The following ABCB8 variants were observed in gnomAD, a reference collection of about 807,000 sequenced individuals.
ABCB8 encodes the protein ATP binding cassette subfamily B member 8.
In ABCB8, 52 loss-of-function variants were observed where a neutral mutation model predicts 73.0. The observed-to-expected ratio is 0.71, with a 90% CI of 0.57 to 0.90. The LOEUF (loss-of-function observed/expected upper bound fraction) is 0.90, where lower values mean the gene tolerates loss of function less well. ABCB8 is among the 40% of genes least tolerant of loss of function. The pLI is 0.00. For synonymous variants in ABCB8, 428 were observed against 423.5 expected (o/e 1.01, Z -0.13); for missense variants, 909 against 974.6 (o/e 0.93, Z 0.90).
At position 151,034,309 on chromosome 7, in the gene ABCB8, C is replaced by T; in HGVS notation, c.445C>T (p.Pro149Ser). ...LGAALVNVQI[P>S]LLLGQLVEVV... ...TGCGGCACTCGTGAATGTACAGATC[C>T]CCCTGCTCCTGGGCCAGCTGGTAGA... Residue 149 changes from proline (P) to serine (S), a missense_variant, in exon 3 of 16, where the codon CCC becomes TCC. By Grantham distance (74) the Pro-to-Ser change is moderately conservative (BLOSUM62 -1). Coordinates refer to ENST00000358849, the MANE Select transcript of ABCB8 (RefSeq NM_007188.5). The T allele has an allele frequency of 6.2e-7, 1 of 1,613,700 alleles. No homozygotes were observed. Among genetic ancestry groups the T allele is most frequent in the Non-Finnish European group, 8.5e-7 (1 of 1,179,996 alleles).
chr7:151,040,551 C>T lies in ABCB8; in HGVS notation c.1305C>T (p.Asn435=), dbSNP rs370482799. ...GGGTCTTTGAGTACATGGCCCTGAA[C>T]CCCTGCATCCCACTGTCTGGGGGCT... is the stretch of plus-strand genomic sequence containing the variant. ...GARVFEYMAL[N]PCIPLSGGCC... is the part of the protein sequence containing the mutation. Residue 435 remains asparagine (N), a synonymous_variant, in exon 11 of 16, where the codon AAC becomes AAT. Coordinates refer to ENST00000358849, the MANE Select transcript of ABCB8 (RefSeq NM_007188.5). 240 of 1,613,412 alleles carry T rather than the reference C, an allele frequency of 1.5e-4. No homozygotes were observed. Among genetic ancestry groups the T allele is most frequent in the Non-Finnish European group, 1.8e-4 (209 of 1,179,954 alleles).
At position 151,028,491 on chromosome 7, in the gene ABCB8, G is replaced by A. The variant is rs112716705; in HGVS notation, c.-25G>A. 609 of 1,604,290 alleles carry A rather than the reference G, an allele frequency of 3.8e-4. 11 individuals are homozygous for A. The South Asian group carries it at 6.2e-3, about 16-fold the overall frequency. On this transcript the variant is annotated 5_prime_UTR_variant, in exon 1 of 16. Coordinates refer to ENST00000358849, the MANE Select transcript of ABCB8 (RefSeq NM_007188.5). ...GATGAGGGTGAAACTGCTATTGCCGGCGGCTCCTGTTTTACCGCGTCAGCA... is the reference window on the plus strand; with the variant it reads ...GATGAGGGTGAAACTGCTATTGCCGACGGCTCCTGTTTTACCGCGTCAGCA...
Position 151,044,175 on chromosome 7 carries a change from G to A in ABCB8, c.1970G>A (p.Arg657His), listed in dbSNP as rs201893359. Residue 657 changes from arginine (R) to histidine (H), a missense_variant, in exon 15 of 16, where the codon CGT becomes CAT. By Grantham distance (29) the Arg-to-His change is conservative. Coordinates refer to ENST00000358849, the MANE Select transcript of ABCB8 (RefSeq NM_007188.5). ...ATTGCCCACCGGCTCAGCACTGTCC[G>A]TGGGGCCCACTGCATTGTCGTCATG... ...LVIAHRLSTVRGAHCIVVMAD... is the reference protein window; with the variant it reads ...LVIAHRLSTVHGAHCIVVMAD... 3.8e-5 allele frequency: 61 copies of A among 1,609,600 alleles called. No homozygotes were observed. Among genetic ancestry groups the A allele is most frequent in the South Asian group, 2.2e-4 (20 of 91,012 alleles).
Position 151,028,972 on chromosome 7 carries a change from G to A in ABCB8, c.95+362G>A, listed in dbSNP as rs977588637. 11 of 1,249,320 alleles carry A rather than the reference G, an allele frequency of 8.8e-6. No individual in the cohort carries two copies. In the African/African-American group the frequency reaches 1.5e-4, roughly 18 times the overall value. The allele number at this position is 1,249,320 out of a possible 1,614,324, so 77.4% of individuals were successfully genotyped here. The stretch of plus-strand genomic sequence containing the variant: ...ATGAAGAGACATTTAATGTAGTGGT[G>A]CTTCCAGGATTCAAAGTGAGTCGAA... On this transcript the variant is annotated intron_variant, in intron 1 of 15. Transcript: ENST00000358849.
intron 1 of ABCB8, among the ~76,000 whole-genome samples, chr7:151,030,849 A>G (rs1378641083): frequency 6.6e-6 from 1 of 152,228 alleles, no homozygotes; most frequent in East Asian, 1.9e-4. Context: ...CTGAGGCAGG[A>G]GAATCGCTTG....
In ABCB8 at chr7:151,047,124, CCACT is replaced by C. The variant is rs1473597302; in HGVS notation, c.*1778_*1781del. 2 of 152,254 alleles carry C rather than the reference CCACT, an allele frequency of 1.3e-5. No homozygotes were observed. Among genetic ancestry groups the C allele is most frequent in the Admixed American group, 1.3e-4 (2 of 15,280 alleles). The allele number at this position is 152,254 out of a possible 1,614,324, so 9.4% of individuals were successfully genotyped here. On this transcript the variant is annotated 3_prime_UTR_variant, in exon 16 of 16. Transcript: ENST00000358849. ...CCAGCCAAGGTGGTTCCTGCTTCAC[CCACT>C]CAGTCATCAGCCTCAGGCTGCCCAA...
chr7:151,042,227 TTG>T (rs1796487651), intron 14 of ABCB8, 119 bp downstream of exon 14: 1 of 1,448,328 alleles, frequency 6.9e-7, no homozygotes, highest in Non-Finnish European at 9.4e-7. Context: ...AGAAAGACAG[TTG>T]TGTCAGGGAA....
chr7:151,041,363 C>A, intron 13 of ABCB8, 131 bp downstream of exon 13: 1 of 1,247,378 alleles, frequency 8.0e-7, no homozygotes, highest in Non-Finnish European at 1.1e-6. Flanking sequence ...CCCTGGCCGT[C>A]TTCACATGTC....
chr7:151,031,279 A>C (rs769650718), intron 1 of ABCB8: 27 of 1,554,436 alleles, frequency 1.7e-5, no homozygotes, highest in Non-Finnish European at 2.2e-5. Context: ...CAGTTACACA[A>C]GGCAGAAGGA....
Position 151,037,245 on chromosome 7 carries a change from C to T in ABCB8, c.1217+596C>T, listed in dbSNP as rs1010803889. The T allele has an allele frequency of 1.0e-5, 7 of 702,902 alleles. No individual in the cohort carries two copies. The African/African-American group carries it at 1.2e-4, about 12-fold the overall frequency. The allele number at this position is 702,902 out of a possible 1,614,324, so 43.5% of individuals were successfully genotyped here. ...CACTCCACATTGTGTCCTCAGCTTC[C>T]TCCGTGTTGCACCCTGTCCGAATTC... On this transcript the variant is annotated intron_variant, in intron 9 of 15. Coordinates refer to ENST00000358849, the MANE Select transcript of ABCB8 (RefSeq NM_007188.5).
Position 151,036,161 on chromosome 7 carries a change from G to T in ABCB8, c.1102G>T (p.Ala368Ser), listed in dbSNP as rs143943108. ...CTTGTTCCAAGGGCTTTCCAACATC[G>T]CCTTCAACTGTGAGTGAGCCATTTG... ...IALFQGLSNI[A>S]FNCMVLGTLF... is the part of the protein sequence containing the mutation. The change falls in exon 8 of 16, where the codon GCC becomes TCC. Residue 368 changes from alanine (A) to serine (S), a missense_variant. Physicochemically the swap from Ala to Ser is moderately conservative, Grantham distance 99 (BLOSUM62 1). Transcript: ENST00000358849. The T allele has an allele frequency of 1.2e-6, 2 of 1,606,154 alleles. No individual in the cohort carries two copies. The highest frequency in any genetic ancestry group is 1.7e-6 in the Non-Finnish European group (2 of 1,174,452).
In ABCB8 at chr7:151,036,481, A is replaced by C. The variant is rs375963155; in HGVS notation, c.1112-63A>C. On this transcript the variant is annotated intron_variant, in intron 8 of 15. Transcript: ENST00000358849. The stretch of plus-strand genomic sequence containing the variant: ...TGACTCTCCCAGTCAGCAGTGGCAG[A>C]GCAGGCCCAGGGCTGTTTCCTCTGC... The C allele has an allele frequency of 3.6e-6, 5 of 1,397,582 alleles. No individual in the cohort carries two copies. In the African/African-American group the frequency reaches 7.1e-5, roughly 20 times the overall value. 86.6% of individuals were successfully genotyped at this position (1,397,582 alleles called of 1,614,324 possible).
chr7:151,042,819 G>T (rs1350241978), intron 14 of ABCB8, among the ~76,000 whole-genome samples: 3 of 152,160 alleles, frequency 2.0e-5, no homozygotes, highest in African/African-American at 4.8e-5. Flanking sequence ...TGAGCTGTGG[G>T]GCCAGTGTCC....
At chr7:151,028,706 C>T (rs1796044222) in intron 1 of ABCB8, 96 bp downstream of exon 1, 9 of 1,555,866 alleles carry the variant, frequency 5.8e-6, no homozygotes, top group East Asian at 2.4e-5. Flanking sequence ...TTGCGCGAGG[C>T]TTGCTGGGAG....
chr7:151,042,975 T>TG (rs1796508374), intron 14 of ABCB8, among the ~76,000 whole-genome samples: 1 of 152,232 alleles, frequency 6.6e-6, no homozygotes. Flanking sequence ...TCTGCTCATT[T>TG]GGGCCTTCTT....
chr7:151,028,752 C>T lies in ABCB8; in HGVS notation c.95+142C>T, dbSNP rs772815217. 87 of 1,534,152 alleles carry T rather than the reference C, an allele frequency of 5.7e-5. No homozygotes were observed. The Middle Eastern group carries it at 9.3e-4, about 16-fold the overall frequency. ...GGCCTACCGGGGTGGAATGTCACTCCGCGGGTGTTGGCCTCAATTATTTAT... is the reference window on the plus strand; with the variant it reads ...GGCCTACCGGGGTGGAATGTCACTCTGCGGGTGTTGGCCTCAATTATTTAT... On this transcript the variant is annotated intron_variant, in intron 1 of 15. Coordinates refer to ENST00000358849, the MANE Select transcript of ABCB8 (RefSeq NM_007188.5).
chr7:151,028,928 G>A (rs1342430378), intron 1 of ABCB8: 6 of 1,372,972 alleles, frequency 4.4e-6, no homozygotes, highest in Non-Finnish European at 5.8e-6. Flanking sequence ...GCGCGATTTG[G>A]ACGAAAATTC....
chr7:151,037,365 T>G, intron 9 of ABCB8: 1 of 701,692 alleles, frequency 1.4e-6, no homozygotes. Flanking sequence ...CTTCCAGGGA[T>G]GACAAGCTGA....
chr7:151,029,018 C>A, intron 1 of ABCB8: 1 of 1,195,266 alleles, frequency 8.4e-7, no homozygotes, highest in Non-Finnish European at 1.1e-6. Context: ...AGATGTTCAG[C>A]AGGGATAAAG....
Sources: allele counts gnomAD v4.1 joint callset (sites outside exome capture counted in the v4.1 genomes callset), GRCh38; gene constraint gnomAD v4.1.1; transcripts MANE v1.5; gene names NCBI Gene and HGNC (gene_info 2026-07-23, HGNC 2026-07-21).